EPB41L4A: variants seen among roughly 807,000 people sequenced by gnomAD.
EPB41L4A encodes the protein band 4.1-like protein 4A.
A neutral mutation model predicts 108.6 loss-of-function variants in EPB41L4A; 100 were observed. The ratio of observed to expected loss-of-function variants is 0.92; its 90% CI spans 0.78 to 1.09. The LOEUF is 1.09. Ranked by LOEUF, EPB41L4A falls within the 50% of genes least tolerant of loss-of-function variation. The pLI is 0.00. For synonymous variants in EPB41L4A, 319 were observed against 289.0 expected (o/e 1.10, Z -1.05); for missense variants, 1,030 against 842.7 (o/e 1.22, Z -2.75).
intron 1 of EPB41L4A, among the ~76,000 whole-genome samples, chr5:112,331,190 G>A (rs1756542051): frequency 6.6e-6 from 1 of 152,184 alleles, no homozygotes; most frequent in Non-Finnish European, 1.5e-5. Flanking sequence ...TGGAGGGCAT[G>A]GAGGGACAAC....
intron 1 of EPB41L4A, among the ~76,000 whole-genome samples, chr5:112,400,621 A>G (rs1199049078): frequency 6.6e-6 from 1 of 152,170 alleles, no homozygotes; most frequent in African/African-American, 2.4e-5. Flanking sequence ...ATGCAAAGAC[A>G]GGACCAAGCC....
chr5:112,292,188 C>T (rs148894002), intron 2 of EPB41L4A, among the ~76,000 whole-genome samples: 2 of 152,322 alleles, frequency 1.3e-5, no homozygotes, highest in East Asian at 1.9e-4. Context: ...CTTCCTGAGA[C>T]ACAGTGGCTG....
At chr5:112,251,196 C>T (rs945699216) in intron 9 of EPB41L4A, among the ~76,000 whole-genome samples, 6 of 152,110 alleles carry the variant, frequency 3.9e-5, no homozygotes, top group Non-Finnish European at 7.4e-5. Flanking sequence ...CAAAATGGTA[C>T]AACTACGAAT....
chr5:112,265,255 A>G (rs557340852), intron 5 of EPB41L4A, among the ~76,000 whole-genome samples: 1 of 152,256 alleles, frequency 6.6e-6, no homozygotes, highest in South Asian at 2.1e-4. Context: ...CTATAATTAT[A>G]TCATCGTTTT....
chr5:112,352,236 A>C (rs1376808636), intron 1 of EPB41L4A, among the ~76,000 whole-genome samples: 1 of 152,134 alleles, frequency 6.6e-6, no homozygotes, highest in Non-Finnish European at 1.5e-5. Context: ...AAATATTTCT[A>C]CTTTTTTGAT....
chr5:112,411,724 C>G (rs566575729), intron 1 of EPB41L4A, among the ~76,000 whole-genome samples: 4 of 152,244 alleles, frequency 2.6e-5, no homozygotes, highest in African/African-American at 9.6e-5. Flanking sequence ...AGGGGAAAGA[C>G]TGATGGTGAC....
chr5:112,355,859 A>T (rs956426640), intron 1 of EPB41L4A, among the ~76,000 whole-genome samples: 6 of 152,236 alleles, frequency 3.9e-5, no homozygotes, highest in African/African-American at 1.4e-4. Context: ...GAGTTTCACT[A>T]GATCCTAGGG....
chr5:112,167,123 C>CAAA (rs10642511), intron 22 of EPB41L4A, among the ~76,000 whole-genome samples: 28,013 of 110,208 alleles, frequency 0.25, 4,162 homozygotes, highest in East Asian at 0.59. Context: ...AAATTTAAGA[C>CAAA]AAAAAAAAAA....
chr5:112,323,397 C>T (rs951317097), intron 1 of EPB41L4A, among the ~76,000 whole-genome samples: 9 of 152,210 alleles, frequency 5.9e-5, no homozygotes, highest in African/African-American at 2.2e-4. Context: ...ACTATCTATA[C>T]TAGCATGACT....
At chr5:112,404,112 T>C (rs994858033) in intron 1 of EPB41L4A, among the ~76,000 whole-genome samples, 3 of 152,268 alleles carry the variant, frequency 2.0e-5, no homozygotes, top group Non-Finnish European at 4.4e-5. Flanking sequence ...TTAGAACCTA[T>C]GTCTAAGGAC....
chr5:112,142,082 C>G (rs925908593), downstream of EPB41L4A, among the ~76,000 whole-genome samples: 4 of 152,206 alleles, frequency 2.6e-5, no homozygotes, highest in Non-Finnish European at 5.9e-5. Flanking sequence ...TGCCTTGTCT[C>G]TCTTCCCCAT....
At chr5:112,249,209 G>T (rs1328059805) in intron 9 of EPB41L4A, 1 of 152,174 alleles carries the variant, frequency 6.6e-6, no homozygotes, top group East Asian at 1.9e-4. Context: ...ACAATTACAA[G>T]TCTAAAGTAC....
chr5:112,369,384 T>C (rs193216758), intron 1 of EPB41L4A, among the ~76,000 whole-genome samples: 34 of 152,338 alleles, frequency 2.2e-4, no homozygotes, highest in Non-Finnish European at 3.8e-4. Context: ...GCAAGATCTA[T>C]TGAAAATACA....
chr5:112,170,105 AAG>A, intron 20 of EPB41L4A, 194 bp downstream of exon 20: 1 of 564,486 alleles, frequency 1.8e-6, no homozygotes, highest in Non-Finnish European at 3.1e-6. Context: ...GGTGGCTAAT[AAG>A]AGATGATAGT....
chr5:112,153,404 C>G (rs1012647680), intron 12 of EPB41L4A, among the ~76,000 whole-genome samples: 24 of 151,416 alleles, frequency 1.6e-4, no homozygotes, highest in Admixed American at 1.5e-3. Flanking sequence ...TGGCATGCGC[C>G]TATAATTCCA....
chr5:112,409,751 G>A (rs1762305453), intron 1 of EPB41L4A, among the ~76,000 whole-genome samples: 1 of 152,076 alleles, frequency 6.6e-6, no homozygotes, highest in South Asian at 2.1e-4. Context: ...CCTACTAACA[G>A]CTGCTACCAC....
rs1270837630 is a variant in EPB41L4A at position 112,164,415 on chromosome 5, C to G, written c.*575G>C. 6.6e-6 allele frequency: 1 copy of G among 152,196 alleles called. No individual in the cohort carries two copies. Among genetic ancestry groups the G allele is most frequent in the Non-Finnish European group, 1.5e-5 (1 of 68,040 alleles). 9.4% of individuals were successfully genotyped at this position (152,196 alleles called of 1,614,324 possible). Reference sequence around the variant, plus strand: ...AGAATGTTCATCAGATGCATCTGGTCTTGGTTGTGGTGGACACAGACACAA... The same window carrying G: ...AGAATGTTCATCAGATGCATCTGGTGTTGGTTGTGGTGGACACAGACACAA... On this transcript the variant is annotated 3_prime_UTR_variant, in exon 23 of 23. Coordinates refer to ENST00000261486, the MANE Select transcript of EPB41L4A (RefSeq NM_022140.5).
At chr5:112,366,108 C>T (rs1759104543) in intron 1 of EPB41L4A, among the ~76,000 whole-genome samples, 1 of 152,070 alleles carries the variant, frequency 6.6e-6, no homozygotes, top group South Asian at 2.1e-4. Flanking sequence ...CAGAGACAGA[C>T]TAAGGAGCTA....
intron 1 of EPB41L4A, among the ~76,000 whole-genome samples, chr5:112,353,734 G>T (rs949632640): frequency 3.9e-5 from 6 of 152,158 alleles, no homozygotes; most frequent in Non-Finnish European, 7.4e-5. Flanking sequence ...GTGGTGGGTG[G>T]AGTGGGGAAT....
Sources: gnomAD v4.1 joint callset for allele counts (sites outside exome capture counted in the v4.1 genomes callset) on GRCh38, gnomAD v4.1.1 for gene constraint, MANE v1.5 for transcripts, NCBI Gene and HGNC (gene_info 2026-07-23, HGNC 2026-07-21) for gene names.